The following DOK5 variants were observed in gnomAD, a reference collection of about 807,000 sequenced individuals.
The protein encoded by DOK5 is downstream of tyrosine kinase 5.
A neutral mutation model predicts 43.3 loss-of-function variants in DOK5; 27 were observed. That is an observed-to-expected ratio of 0.62 (90% CI 0.46 to 0.86). DOK5 has a LOEUF of 0.86. Ranked by LOEUF, DOK5 falls within the 40% of genes least tolerant of loss-of-function variation. DOK5 has a pLI of 0.00. For missense variants in DOK5, 373 were observed against 392.9 expected (o/e 0.95, Z 0.43); for synonymous variants, 146 against 140.1 (o/e 1.04, Z -0.30).
At chr20:54,615,893 C>A (rs1986792631) in intron 6 of DOK5, among the ~76,000 whole-genome samples, 1 of 121,532 alleles carries the variant, frequency 8.2e-6, no homozygotes, top group Admixed American at 8.3e-5. Flanking sequence ...GAGCGAGACT[C>A]CATCTCAAAA....
intron 6 of DOK5, among the ~76,000 whole-genome samples, chr20:54,619,729 C>T (rs899797660): frequency 1.3e-5 from 2 of 152,302 alleles, no homozygotes; most frequent in South Asian, 2.1e-4. Context: ...TTTGCAAATA[C>T]AATTTGCTAA....
At chr20:54,526,990 G>A (rs547140170) in intron 1 of DOK5, among the ~76,000 whole-genome samples, 2 of 152,108 alleles carry the variant, frequency 1.3e-5, no homozygotes, top group Admixed American at 6.5e-5. Context: ...AATTTTACTG[G>A]GAAGTGGTTC....
chr20:54,620,382 G>C (rs907481996), intron 6 of DOK5, among the ~76,000 whole-genome samples: 1 of 152,126 alleles, frequency 6.6e-6, no homozygotes, highest in African/African-American at 2.4e-5. Context: ...GGGATTACAG[G>C]CACCTGCCAC....
chr20:54,488,370 G>A (rs927283633), intron 1 of DOK5, among the ~76,000 whole-genome samples: 1 of 152,148 alleles, frequency 6.6e-6, no homozygotes, highest in Non-Finnish European at 1.5e-5. Flanking sequence ...CTGTCTCTTG[G>A]CATCCATATT....
In DOK5 at chr20:54,545,159, T is replaced by C. The variant is rs6127223; in HGVS notation, c.67-9774T>C. 1.2e-3 allele frequency among the ~76,000 whole-genome samples: 182 copies of C among 152,362 alleles called. 4 individuals are homozygous for C. In the East Asian group the frequency reaches 0.032, roughly 27 times the overall value. ...GAGGGCTGATTAGATCAAATCCCTTTCATTGTCTTAATTTTCTCACTGTCA... is the reference window on the plus strand; with the variant it reads ...GAGGGCTGATTAGATCAAATCCCTTCCATTGTCTTAATTTTCTCACTGTCA... On this transcript the variant is annotated intron_variant, in intron 1 of 7. Transcript: ENST00000262593.
chr20:54,492,390 A>G (rs1258090532), intron 1 of DOK5, among the ~76,000 whole-genome samples: 1 of 152,038 alleles, frequency 6.6e-6, no homozygotes, highest in African/African-American at 2.4e-5. Context: ...CTTTTCAAAA[A>G]TTTTTATGAA....
intron 1 of DOK5, among the ~76,000 whole-genome samples, chr20:54,518,597 G>C (rs1983283691): frequency 6.6e-6 from 1 of 152,132 alleles, no homozygotes; most frequent in South Asian, 2.1e-4. Flanking sequence ...ATGTGCATGT[G>C]TCTTTATAGC....
chr20:54,639,710 G>A (rs1259466729), intron 6 of DOK5, among the ~76,000 whole-genome samples: 1 of 152,104 alleles, frequency 6.6e-6, no homozygotes, highest in Non-Finnish European at 1.5e-5. Flanking sequence ...ATTTAATGTT[G>A]TTGATAGATT....
Position 54,628,408 on chromosome 20 carries a change from C to CAAAA in DOK5, c.736-15016_736-15013dup, listed in dbSNP as rs56730310. ...TGGGCGACAGAGCGAGACTCCGTCT[C>CAAAA]AAAAAAAAAAAAAAAAAAAAAAAAA... is the stretch of plus-strand genomic sequence containing the variant. On this transcript the variant is annotated intron_variant, in intron 6 of 7. Coordinates refer to ENST00000262593, the MANE Select transcript of DOK5 (RefSeq NM_018431.5). Among the ~76,000 whole-genome samples the CAAAA allele has an allele frequency of 3.8e-4, 9 of 23,452 alleles. 2 individuals carry two copies. The highest frequency in any genetic ancestry group is 6.3e-4 in the Non-Finnish European group (8 of 12,688). The allele number at this position is 23,452 out of a possible 152,430, so 15.4% of individuals were successfully genotyped here.
intron 2 of DOK5, among the ~76,000 whole-genome samples, chr20:54,582,602 C>T (rs2146760150): frequency 6.6e-6 from 1 of 151,846 alleles, no homozygotes; most frequent in East Asian, 2.0e-4. Flanking sequence ...CTTCATGATT[C>T]AGTCTACGTA....
intron 7 of DOK5, among the ~76,000 whole-genome samples, chr20:54,646,102 G>A (rs570629722): frequency 1.3e-5 from 2 of 151,910 alleles, no homozygotes; most frequent in South Asian, 4.2e-4. Flanking sequence ...CTTCAAAAAT[G>A]TTTGCAATAT....
chr20:54,569,566 T>C (rs1469964099), intron 2 of DOK5, among the ~76,000 whole-genome samples: 2 of 152,220 alleles, frequency 1.3e-5, no homozygotes, highest in Non-Finnish European at 2.9e-5. Flanking sequence ...AAGTGAGGTA[T>C]CAGGTAATAG....
chr20:54,607,403 G>GGTGTGTGTGTGTGT (rs10684906), intron 5 of DOK5, among the ~76,000 whole-genome samples: 284 of 145,630 alleles, frequency 2.0e-3, no homozygotes, highest in Admixed American at 3.2e-3. Flanking sequence ...AGTGGTAAGT[G>GGTGTGTGTGTGTGT]GTGTGTGTGT....
chr20:54,537,831 C>CTTTTT lies in DOK5; in HGVS notation c.67-17081_67-17077dup, dbSNP rs927019328. Among the ~76,000 whole-genome samples, 31 of 89,560 alleles carry CTTTTT rather than the reference C, an allele frequency of 3.5e-4. 1 individual carries two copies. The highest frequency in any genetic ancestry group is 4.8e-4 in the Non-Finnish European group (22 of 45,820). 58.8% of individuals were successfully genotyped at this position (89,560 alleles called of 152,430 possible). A position where few individuals can be genotyped will look rare whatever the true frequency, so the allele number is the denominator to read the frequency against. On this transcript the variant is annotated intron_variant, in intron 1 of 7. Transcript: ENST00000262593. ...CTTTAAGTGAAATGATGTACAAGTT[C>CTTTTT]TTTTTTTTTTTTTTTTTTTTTTTTT... is the stretch of plus-strand genomic sequence containing the variant.
intron 1 of DOK5, among the ~76,000 whole-genome samples, chr20:54,491,954 G>A (rs1481177161): frequency 6.6e-6 from 1 of 151,736 alleles, no homozygotes; most frequent in Non-Finnish European, 1.5e-5. Context: ...GAGAGAGAAA[G>A]TGAAAGAAAG....
intron 6 of DOK5, among the ~76,000 whole-genome samples, chr20:54,615,112 A>T (rs1986764654): frequency 6.6e-6 from 1 of 152,202 alleles, no homozygotes; most frequent in Non-Finnish European, 1.5e-5. Flanking sequence ...CACTGTTGTA[A>T]AATTCCCAAG....
chr20:54,560,344 T>G (rs999461126), intron 2 of DOK5, among the ~76,000 whole-genome samples: 12 of 152,222 alleles, frequency 7.9e-5, no homozygotes, highest in African/African-American at 2.7e-4. Context: ...AGAAGTTTCC[T>G]AAGCTTATGC....
rs1325964889 is a variant in DOK5, at chr20:54,495,694, C to G, written c.66+19682C>G. On this transcript the variant is annotated intron_variant, in intron 1 of 7. Coordinates refer to ENST00000262593, the MANE Select transcript of DOK5 (RefSeq NM_018431.5). Reference sequence around the variant, plus strand: ...TCACCTGAGGTCAGGAGTTCAAGACCAGCCTGGCCAACGTAGTGAAACCCC... The same window carrying G: ...TCACCTGAGGTCAGGAGTTCAAGACGAGCCTGGCCAACGTAGTGAAACCCC... Among the ~76,000 whole-genome samples, 3 of 152,238 alleles carry G rather than the reference C, an allele frequency of 2.0e-5. No individual in the cohort carries two copies. In the East Asian group the frequency reaches 5.8e-4, roughly 29 times the overall value.
chr20:54,595,547 T>G (rs1342889672), intron 5 of DOK5, among the ~76,000 whole-genome samples: 1 of 152,218 alleles, frequency 6.6e-6, no homozygotes, highest in Non-Finnish European at 1.5e-5. Flanking sequence ...ATGACTTTGA[T>G]GACCCCTTTA....
Sources: gnomAD v4.1 joint callset for allele counts (sites outside exome capture counted in the v4.1 genomes callset) on GRCh38, gnomAD v4.1.1 for gene constraint, MANE v1.5 for transcripts, NCBI Gene and HGNC (gene_info 2026-07-23, HGNC 2026-07-21) for gene names.